Variants in AGAP1 observed in about 807,000 individuals in gnomAD.
AGAP1 encodes the protein ArfGAP with GTPase domain, ankyrin repeat and PH domain 1, also known as arf-GAP with GTPase, ANK repeat and PH domain-containing protein 1.
In AGAP1, 29 loss-of-function variants were observed where a neutral mutation model predicts 105.3. The observed-to-expected ratio is 0.28, with a 90% CI of 0.21 to 0.38. AGAP1 has a LOEUF of 0.38. AGAP1 is among the 10% of genes least tolerant of loss of function. AGAP1 has a pLI of 1.00. For synonymous variants in AGAP1, 509 were observed against 485.9 expected (o/e 1.05, Z -0.63); for missense variants, 998 against 1,165.1 (o/e 0.86, Z 2.09).
At chr2:235,890,943 A>AAAAAAAAAAAAAC in intron 10 of AGAP1, among the ~76,000 whole-genome samples, 1 of 77,118 alleles carries the variant, frequency 1.3e-5, no homozygotes, top group East Asian at 5.7e-4. Context: ...ACTGAGGCTC[A>AAAAAAAAAAAAAC]AAAAAAAAAA....
chr2:235,956,846 C>T (rs2053972823), intron 12 of AGAP1, among the ~76,000 whole-genome samples: 2 of 152,248 alleles, frequency 1.3e-5, no homozygotes, highest in Non-Finnish European at 2.9e-5. Context: ...TCATGATGGC[C>T]TTTAGCTTCA....
chr2:235,593,591 T>G (rs1183556032), intron 1 of AGAP1, among the ~76,000 whole-genome samples: 2 of 152,164 alleles, frequency 1.3e-5, no homozygotes, highest in East Asian at 3.8e-4. Flanking sequence ...TATAGATATA[T>G]ACTTAAATAT....
chr2:235,823,855 A>G (rs1323520009), intron 9 of AGAP1, among the ~76,000 whole-genome samples: 1 of 152,184 alleles, frequency 6.6e-6, no homozygotes, highest in Non-Finnish European at 1.5e-5. Context: ...TTGTGTGTTT[A>G]TGTATCTAGC....
Position 235,882,359 on chromosome 2 carries a change from C to T in AGAP1, c.1051-986C>T. 7.3e-7 allele frequency: 1 copy of T among 1,375,614 alleles called. No individual in the cohort carries two copies. The highest frequency in any genetic ancestry group is 1.0e-6 in the Non-Finnish European group (1 of 985,138). The allele number at this position is 1,375,614 out of a possible 1,614,324, so 85.2% of individuals were successfully genotyped here. On this transcript the variant is annotated intron_variant, in intron 9 of 17. Transcript: ENST00000304032. The surrounding 1 kb of genome is among the most constrained non-coding windows in gnomAD (Gnocchi z 4.6). ...TGACGAGGGCAGGAAATCCTCCGGGCTCTTAGGAAATTTCACTCCGCTTCT... is the reference window on the plus strand; with the variant it reads ...TGACGAGGGCAGGAAATCCTCCGGGTTCTTAGGAAATTTCACTCCGCTTCT...
chr2:235,783,213 C>CT lies in AGAP1; in HGVS notation c.674-14545dup, dbSNP rs373964138. ...GCTTTTCTTAGTGAAAGATACTTTC[C>CT]TAAGGTAGTTTATAGCAAGATTTGG... On this transcript the variant is annotated intron_variant, in intron 6 of 17. Coordinates refer to ENST00000304032, the MANE Select transcript of AGAP1 (RefSeq NM_001037131.3). 1.3e-3 allele frequency: 461 copies of CT among 365,234 alleles called. 6 individuals carry two copies. Among genetic ancestry groups the CT allele is most frequent in the South Asian group, 6.3e-3 (287 of 45,264 alleles). 22.6% of individuals were successfully genotyped at this position (365,234 alleles called of 1,614,324 possible). A position where few individuals can be genotyped will look rare whatever the true frequency, so the allele number is the denominator to read the frequency against.
rs1307754837 is a variant in AGAP1, at chr2:235,792,922, G to T, written c.674-4837G>T. Among the ~76,000 whole-genome samples the T allele has an allele frequency of 6.6e-6, 1 of 152,128 alleles. No homozygotes were observed. Among genetic ancestry groups the T allele is most frequent in the Non-Finnish European group, 1.5e-5 (1 of 68,032 alleles). On this transcript the variant is annotated intron_variant, in intron 6 of 17. Coordinates refer to ENST00000304032, the MANE Select transcript of AGAP1 (RefSeq NM_001037131.3). This position sits in a 1 kb window ranked among gnomAD's most constrained non-coding sequence, Gnocchi z 5.3. ...TGGTGACCGAGACATTCGCGAGGAGGTTGCCCAGGCAGAGGGCATGGGAAA... is the reference window on the plus strand; with the variant it reads ...TGGTGACCGAGACATTCGCGAGGAGTTTGCCCAGGCAGAGGGCATGGGAAA...
chr2:235,745,140 GTA>G (rs1952828675), intron 5 of AGAP1, among the ~76,000 whole-genome samples: 1 of 151,798 alleles, frequency 6.6e-6, no homozygotes, highest in South Asian at 2.1e-4. Flanking sequence ...TATATGTTTT[GTA>G]TATATATAGT....
intron 11 of AGAP1, among the ~76,000 whole-genome samples, chr2:235,914,237 CTG>C (rs1188843697): frequency 1.3e-5 from 2 of 152,236 alleles, no homozygotes; most frequent in Non-Finnish European, 1.5e-5. Flanking sequence ...TAATGCCTAA[CTG>C]TGTGCCACCA....
In AGAP1 at chr2:235,596,847, C is replaced by T. The variant is rs2149223999; in HGVS notation, c.163+101998C>T. 6.6e-6 allele frequency among the ~76,000 whole-genome samples: 1 copy of T among 152,196 alleles called. No individual in the cohort carries two copies. The highest frequency in any genetic ancestry group is 2.1e-4 in the South Asian group (1 of 4,810). Reference sequence around the variant, plus strand: ...TAGGAGGTGGGTCTGTGGGAGGTATCAGGTCATGGGAGTGGACCCCTTGTG... The same window carrying T: ...TAGGAGGTGGGTCTGTGGGAGGTATTAGGTCATGGGAGTGGACCCCTTGTG... On this transcript the variant is annotated intron_variant, in intron 1 of 17. Coordinates refer to ENST00000304032, the MANE Select transcript of AGAP1 (RefSeq NM_001037131.3). This position sits in a 1 kb window ranked among gnomAD's most constrained non-coding sequence, Gnocchi z 5.9.
chr2:235,532,363 C>T (rs1418335748), intron 1 of AGAP1, among the ~76,000 whole-genome samples: 1 of 152,184 alleles, frequency 6.6e-6, no homozygotes, highest in Non-Finnish European at 1.5e-5. Context: ...ACTGCAGGCC[C>T]ACGCCATCAC....
At chr2:235,818,881 A>G (rs1488584404) in intron 9 of AGAP1, among the ~76,000 whole-genome samples, 4 of 151,944 alleles carry the variant, frequency 2.6e-5, no homozygotes, top group African/African-American at 7.3e-5. Flanking sequence ...GCCCATGGCC[A>G]TCTTTTCTGT....
Position 236,026,497 on chromosome 2 carries a change from G to A in AGAP1, c.1646-10064G>A, listed in dbSNP as rs189972053. ...TAATCCCCGCACTTTGGGAGGCTGA[G>A]GCAGGCACATCACCTGAGGCCAGAA... On this transcript the variant is annotated intron_variant, in intron 13 of 17. Coordinates refer to ENST00000304032, the MANE Select transcript of AGAP1 (RefSeq NM_001037131.3). Among the ~76,000 whole-genome samples, 379 of 152,346 alleles carry A rather than the reference G, an allele frequency of 2.5e-3. 4 individuals are homozygous for A. Among genetic ancestry groups the A allele is most frequent in the South Asian group, 0.019 (94 of 4,826 alleles).
rs1216911396 is a variant in AGAP1, at chr2:236,002,673, T to C, written c.1646-33888T>C. ...TGGATGAATACAGGACACTTAAACA[T>C]TTAAAGGGGGGACACAGAGATGGGC... On this transcript the variant is annotated intron_variant, in intron 13 of 17. Coordinates refer to ENST00000304032, the MANE Select transcript of AGAP1 (RefSeq NM_001037131.3). The surrounding 1 kb of genome is among the most constrained non-coding windows in gnomAD (Gnocchi z 4.3). Among the ~76,000 whole-genome samples the C allele has an allele frequency of 6.6e-6, 1 of 151,970 alleles. No individual in the cohort carries two copies. Among genetic ancestry groups the C allele is most frequent in the Non-Finnish European group, 1.5e-5 (1 of 68,000 alleles).
chr2:236,059,026 ACT>A (rs1251903972), intron 16 of AGAP1, among the ~76,000 whole-genome samples: 2 of 151,952 alleles, frequency 1.3e-5, no homozygotes, highest in Non-Finnish European at 2.9e-5. Context: ...CAAGACTCTG[ACT>A]CTTAAAAAAT....
intron 1 of AGAP1, among the ~76,000 whole-genome samples, chr2:235,648,922 C>T (rs973656919): frequency 1.3e-5 from 2 of 151,306 alleles, no homozygotes; most frequent in East Asian, 1.9e-4. Context: ...GACCTCAGTT[C>T]GCAGGACTTC....
rs1381331873 is a variant in AGAP1 at position 235,633,897 on chromosome 2, T to C, written c.164-75282T>C. Reference sequence around the variant, plus strand: ...TCAGGGGAGAATGAGGGGCAAGAGATCAGGAGAGCAGGAGAAGCTCAGAGA... The same window carrying C: ...TCAGGGGAGAATGAGGGGCAAGAGACCAGGAGAGCAGGAGAAGCTCAGAGA... On this transcript the variant is annotated intron_variant, in intron 1 of 17. Transcript: ENST00000304032. This position sits in a 1 kb window ranked among gnomAD's most constrained non-coding sequence, Gnocchi z 4.8. 1.3e-5 allele frequency among the ~76,000 whole-genome samples: 2 copies of C among 151,990 alleles called. No homozygotes were observed. The highest frequency in any genetic ancestry group is 4.8e-5 in the African/African-American group (2 of 41,386).
rs964064715 is a variant in AGAP1, at chr2:235,879,313, G to A, written c.1051-4032G>A. Among the ~76,000 whole-genome samples, 7 of 152,194 alleles carry A rather than the reference G, an allele frequency of 4.6e-5. No individual in the cohort carries two copies. Among genetic ancestry groups the A allele is most frequent in the African/African-American group, 1.7e-4 (7 of 41,448 alleles). ...CCCAGCCCAGCTAGACCACAGCCATGACATGGCAAGCGGGGCAGCCAAGTG... is the reference window on the plus strand; with the variant it reads ...CCCAGCCCAGCTAGACCACAGCCATAACATGGCAAGCGGGGCAGCCAAGTG... On this transcript the variant is annotated intron_variant, in intron 9 of 17. Transcript: ENST00000304032. This position sits in a 1 kb window ranked among gnomAD's most constrained non-coding sequence, Gnocchi z 5.0.
intron 9 of AGAP1, among the ~76,000 whole-genome samples, chr2:235,811,951 T>G (rs1218808783): frequency 6.6e-6 from 1 of 152,190 alleles, no homozygotes; most frequent in African/African-American, 2.4e-5. Flanking sequence ...GACGTGTGCA[T>G]CAGGAGGCAA....
In AGAP1 at chr2:235,993,434, T is replaced by C. The variant is rs2055659301; in HGVS notation, c.1645+24811T>C. ...AGTCCAGCACAGTGTGTGCACGTGG[T>C]ATGTCCCTGATGGAAACTGCTTCTC... On this transcript the variant is annotated intron_variant, in intron 13 of 17. Coordinates refer to ENST00000304032, the MANE Select transcript of AGAP1 (RefSeq NM_001037131.3). The surrounding 1 kb of genome is among the most constrained non-coding windows in gnomAD (Gnocchi z 5.0). Among the ~76,000 whole-genome samples, 1 of 152,186 alleles carries C rather than the reference T, an allele frequency of 6.6e-6. No homozygotes were observed. Among genetic ancestry groups the C allele is most frequent in the Non-Finnish European group, 1.5e-5 (1 of 68,024 alleles).
Sources: allele counts gnomAD v4.1 joint callset (sites outside exome capture counted in the v4.1 genomes callset), GRCh38; gene constraint gnomAD v4.1.1; non-coding constraint Gnocchi (gnomAD v3.1); transcripts MANE v1.5; gene names NCBI Gene and HGNC (gene_info 2026-07-23, HGNC 2026-07-21).